The following LRFN3 variants were observed in gnomAD, a reference collection of about 807,000 sequenced individuals.
The protein encoded by LRFN3 is leucine-rich repeat and fibronectin type-III domain-containing protein 3.
In LRFN3, 8 loss-of-function variants were observed where a neutral mutation model predicts 23.8. That is an observed-to-expected ratio of 0.34 (90% CI 0.20 to 0.61). The LOEUF is 0.61. Among genes scored for constraint, LRFN3 ranks in the 20% least tolerant of loss-of-function variants. The probability of loss-of-function intolerance (pLI) is 0.80; values close to 1 mark genes in which losing one functional copy is unlikely to be tolerated. For synonymous variants in LRFN3, 451 were observed against 450.6 expected (o/e 1.00, Z -0.01); for missense variants, 736 against 935.3 (o/e 0.79, Z 2.78).
Position 35,946,479 on chromosome 19 carries a change from C to T in LRFN3, c.*1460C>T, listed in dbSNP as rs1369009098. ...GCCACTGCCCCTGGCTAGGGACTTT[C>T]CATATTTAAGGGTGACGCAAAGAAA... On this transcript the variant is annotated 3_prime_UTR_variant, in exon 3 of 3. Coordinates refer to ENST00000246529, the MANE Select transcript of LRFN3 (RefSeq NM_024509.2). 2.0e-5 allele frequency among the ~76,000 whole-genome samples: 3 copies of T among 151,798 alleles called. No individual in the cohort carries two copies. Among genetic ancestry groups the T allele is most frequent in the Non-Finnish European group, 2.9e-5 (2 of 67,960 alleles).
chr19:35,942,946 T>C (rs374935606), intron 2 of LRFN3, among the ~76,000 whole-genome samples: 14 of 152,024 alleles, frequency 9.2e-5, no homozygotes, highest in African/African-American at 3.4e-4. Context: ...GGAGAATTGC[T>C]TGAACCTGGG....
At chr19:35,942,161 C>T (rs1234045528) in intron 2 of LRFN3, among the ~76,000 whole-genome samples, 5 of 152,192 alleles carry the variant, frequency 3.3e-5, no homozygotes, top group Non-Finnish European at 7.3e-5. Context: ...GGATTACAGG[C>T]CTGAGCCACC....
intron 2 of LRFN3, among the ~76,000 whole-genome samples, chr19:35,942,458 A>G (rs974616134): frequency 2.0e-5 from 3 of 152,180 alleles, no homozygotes; most frequent in Non-Finnish European, 4.4e-5. Context: ...CCAACCTTGC[A>G]TGGATGGACT....
intron 2 of LRFN3, among the ~76,000 whole-genome samples, chr19:35,942,128 C>T (rs1026952875): frequency 4.0e-5 from 6 of 151,458 alleles, no homozygotes; most frequent in East Asian, 1.9e-4. Context: ...GTGATCCACC[C>T]GCCTCGGCCT....
rs1333142926 is a variant in LRFN3, at chr19:35,944,525, A to G, written c.1416-23A>G. 2 of 1,409,674 alleles carry G rather than the reference A, an allele frequency of 1.4e-6. No homozygotes were observed. Among genetic ancestry groups the G allele is most frequent in the Non-Finnish European group, 1.8e-6 (2 of 1,084,470 alleles). The allele number at this position is 1,409,674 out of a possible 1,614,324, so 87.3% of individuals were successfully genotyped here. On this transcript the variant is annotated intron_variant, in intron 2 of 2. Coordinates refer to ENST00000246529, the MANE Select transcript of LRFN3 (RefSeq NM_024509.2). This position sits in a 1 kb window ranked among gnomAD's most constrained non-coding sequence, Gnocchi z 4.5. ...TGGGGGCTGGGCAGCCTGAGACCTGACCCCCACCTGCCTGCCCTGCAGGAT... is the reference window on the plus strand; with the variant it reads ...TGGGGGCTGGGCAGCCTGAGACCTGGCCCCCACCTGCCTGCCCTGCAGGAT...
At position 35,944,686 on chromosome 19, in the gene LRFN3, C is replaced by T. The variant is rs371871382; in HGVS notation, c.1554C>T (p.Phe518=). The T allele has an allele frequency of 9.2e-5, 147 of 1,603,126 alleles. No individual in the cohort carries two copies. The highest frequency in any genetic ancestry group is 1.2e-4 in the Non-Finnish European group (144 of 1,176,642). The stretch of plus-strand genomic sequence containing the variant: ...CGCGGCCTGTGGGCTGCGCCCGCTT[C>T]TCCACCGAACCTGCGCTGCGGCCAT... ...TATRPVGCAR[F]STEPALRPCG... is the part of the protein sequence containing the mutation. Residue 518 remains phenylalanine, a synonymous_variant, in exon 3 of 3, where the codon TTC becomes TTT. Transcript: ENST00000246529. This position sits in a 1 kb window ranked among gnomAD's most constrained non-coding sequence, Gnocchi z 4.5.
Position 35,944,707 on chromosome 19 carries a change from G to T in LRFN3, c.1575G>T (p.Arg525=). 1 of 1,604,080 alleles carries T rather than the reference G, an allele frequency of 6.2e-7. No individual in the cohort carries two copies. Residue 525 remains arginine, a synonymous_variant, in exon 3 of 3, where the codon CGG becomes CGT. Transcript: ENST00000246529. This position sits in a 1 kb window ranked among gnomAD's most constrained non-coding sequence, Gnocchi z 4.5. ...CARFSTEPAL[R]PCGAPHAPFL... is the part of the protein sequence containing the mutation. ...GCTTCTCCACCGAACCTGCGCTGCG[G>T]CCATGCGGGGCGCCGCACGCTCCCT...
In LRFN3 at chr19:35,939,382, G is replaced by T. The variant is rs372044123; in HGVS notation, c.-16-28G>T. On this transcript the variant is annotated intron_variant, in intron 1 of 2. Transcript: ENST00000246529. The surrounding 1 kb of genome is among the most constrained non-coding windows in gnomAD (Gnocchi z 6.4). The stretch of plus-strand genomic sequence containing the variant: ...CCAGCCCCTGCAGAACCCCTCTTCT[G>T]CCCTCACGCCTCCCCTCTTCTCCGC... The T allele has an allele frequency of 4.4e-5, 68 of 1,537,672 alleles. No homozygotes were observed. In the African/African-American group the frequency reaches 8.4e-4, roughly 19 times the overall value.
intron 2 of LRFN3, among the ~76,000 whole-genome samples, chr19:35,943,048 C>T (rs1000372516): frequency 6.7e-6 from 1 of 149,888 alleles, no homozygotes; most frequent in East Asian, 2.0e-4. Flanking sequence ...AAAAAAAAGT[C>T]ACACAAGTCC....
In LRFN3 at chr19:35,945,138, G is replaced by A; in HGVS notation, c.*119G>A. On this transcript the variant is annotated 3_prime_UTR_variant, in exon 3 of 3. Coordinates refer to ENST00000246529, the MANE Select transcript of LRFN3 (RefSeq NM_024509.2). ...ATGGTTTTTAAAACTCTGATGGGGA[G>A]GGTGTCGGGGACACCGGGGCAAAAC... The A allele has an allele frequency of 1.7e-6, 1 of 580,866 alleles. No homozygotes were observed. Among genetic ancestry groups the A allele is most frequent in the East Asian group, 3.6e-5 (1 of 28,054 alleles). The allele number at this position is 580,866 out of a possible 1,614,324, so 36.0% of individuals were successfully genotyped here. A position where few individuals can be genotyped will look rare whatever the true frequency, so the allele number is the denominator to read the frequency against.
intron 1 of LRFN3, among the ~76,000 whole-genome samples, chr19:35,938,719 G>T (rs755182397): frequency 3.9e-5 from 6 of 152,060 alleles, no homozygotes; most frequent in Non-Finnish European, 7.3e-5. Context: ...CTCTGACATG[G>T]TCATCTCCCC....
Position 35,944,500 on chromosome 19 carries a change from TG to T in LRFN3, c.1416-43del, listed in dbSNP as rs1976153554. 3.0e-6 allele frequency: 4 copies of T among 1,321,540 alleles called. No homozygotes were observed. The East Asian group carries it at 1.2e-4, about 39-fold the overall frequency. The allele number at this position is 1,321,540 out of a possible 1,614,324, so 81.9% of individuals were successfully genotyped here. Reference sequence around the variant, plus strand: ...GGAGTTTGGTGGGGGAAGCACAGGTTGGGGGCTGGGCAGCCTGAGACCTGAC... The same window carrying T: ...GGAGTTTGGTGGGGGAAGCACAGGTTGGGGCTGGGCAGCCTGAGACCTGAC... On this transcript the variant is annotated intron_variant, in intron 2 of 2. Coordinates refer to ENST00000246529, the MANE Select transcript of LRFN3 (RefSeq NM_024509.2). The surrounding 1 kb of genome is among the most constrained non-coding windows in gnomAD (Gnocchi z 4.5).
Position 35,944,684 on chromosome 19 carries a change from T to C in LRFN3, c.1552T>C (p.Phe518Leu), listed in dbSNP as rs530913352. ...CACGCGGCCTGTGGGCTGCGCCCGC[T>C]TCTCCACCGAACCTGCGCTGCGGCC... ...TATRPVGCAR[F>L]STEPALRPCG... Residue 518 changes from phenylalanine to leucine, a missense_variant, in exon 3 of 3, where the codon TTC becomes CTC. By Grantham distance (22) the Phe-to-Leu change is conservative. Around this residue, in one of 2 missense-constraint regions of LRFN3, gnomAD observed 290 missense variants for 287.4 expected, o/e 1.01. Coordinates refer to ENST00000246529, the MANE Select transcript of LRFN3 (RefSeq NM_024509.2). This position sits in a 1 kb window ranked among gnomAD's most constrained non-coding sequence, Gnocchi z 4.5. 1.9e-6 allele frequency: 3 copies of C among 1,602,838 alleles called. No individual in the cohort carries two copies. In the African/African-American group the frequency reaches 4.0e-5, roughly 22 times the overall value.
chr19:35,940,218 C>A lies in LRFN3; in HGVS notation c.793C>A (p.Arg265=). Residue 265 remains arginine, a synonymous_variant, in exon 2 of 3, where the codon CGG becomes AGG. Transcript: ENST00000246529. ...CELVWLRRLA[R]EDDLEACASP... The stretch of plus-strand genomic sequence containing the variant: ...GCTGGTGTGGCTGCGTCGCCTGGCG[C>A]GGGAGGACGACCTCGAGGCCTGCGC... 6.2e-7 allele frequency: 1 copy of A among 1,608,454 alleles called. No homozygotes were observed. Among genetic ancestry groups the A allele is most frequent in the Non-Finnish European group, 8.5e-7 (1 of 1,179,458 alleles).
intron 2 of LRFN3, among the ~76,000 whole-genome samples, chr19:35,942,533 C>T (rs1465141668): frequency 6.6e-6 from 1 of 152,246 alleles, no homozygotes; most frequent in African/African-American, 2.4e-5. Context: ...CCAAGGCTGA[C>T]TGTAAAGACT....
intron 2 of LRFN3, among the ~76,000 whole-genome samples, chr19:35,941,717 C>T (rs895264873): frequency 1.3e-5 from 2 of 152,006 alleles, no homozygotes; most frequent in Non-Finnish European, 2.9e-5. Context: ...TACAGACGTG[C>T]ACCAGCACGC....
rs756918872 is a variant in LRFN3, at chr19:35,939,875, C to T, written c.450C>T (p.Ala150=). 38 of 1,601,284 alleles carry T rather than the reference C, an allele frequency of 2.4e-5. No individual in the cohort carries two copies. The highest frequency in any genetic ancestry group is 3.1e-5 in the Non-Finnish European group (36 of 1,179,808). ...AGCTGGCAGCGCTGGCGGCCGGCGC[C>T]CTGGATGATTGTGCCGAGACACTGG... ...NNQLAALAAG[A]LDDCAETLED... Residue 150 remains alanine (A), a synonymous_variant, in exon 2 of 3, where the codon GCC becomes GCT. Coordinates refer to ENST00000246529, the MANE Select transcript of LRFN3 (RefSeq NM_024509.2). The surrounding 1 kb of genome is among the most constrained non-coding windows in gnomAD (Gnocchi z 6.4).
chr19:35,945,972 G>T lies in LRFN3; in HGVS notation c.*953G>T, dbSNP rs1001879069. Among the ~76,000 whole-genome samples, 1 of 152,036 alleles carries T rather than the reference G, an allele frequency of 6.6e-6. No homozygotes were observed. Among genetic ancestry groups the T allele is most frequent in the Non-Finnish European group, 1.5e-5 (1 of 68,000 alleles). ...ACGAAGTTGGACCAGCTGGGCTAGG[G>T]AACAAGAAAAGGGAGTGGGTTGACA... On this transcript the variant is annotated 3_prime_UTR_variant, in exon 3 of 3. Coordinates refer to ENST00000246529, the MANE Select transcript of LRFN3 (RefSeq NM_024509.2).
At chr19:35,938,480 C>T (rs1226377858) in intron 1 of LRFN3, among the ~76,000 whole-genome samples, 1 of 151,990 alleles carries the variant, frequency 6.6e-6, no homozygotes, top group African/African-American at 2.4e-5. Flanking sequence ...CCTCTTCTCT[C>T]TCTCTCACTC....
Sources: gnomAD v4.1 joint callset for allele counts (sites outside exome capture counted in the v4.1 genomes callset) on GRCh38, gnomAD v4.1.1 for gene constraint, gnomAD v4.1.1 regional missense constraint, Gnocchi (gnomAD v3.1) non-coding constraint, MANE v1.5 for transcripts, NCBI Gene and HGNC (gene_info 2026-07-23, HGNC 2026-07-21) for gene names.